Variants in MYBPC1 observed in about 807,000 individuals in gnomAD.
MYBPC1 encodes the protein myosin-binding protein C, slow-type.
Under a neutral mutation model 147.1 loss-of-function variants are expected in MYBPC1, and 52 were observed. That is an observed-to-expected ratio of 0.35 (90% CI 0.28 to 0.45). MYBPC1 has a LOEUF of 0.45. MYBPC1 is among the 20% of genes least tolerant of loss of function. The pLI, the probability that MYBPC1 is intolerant of heterozygous loss-of-function variation, is 1.00. For synonymous variants in MYBPC1, 477 were observed against 475.9 expected (o/e 1.00, Z -0.03); for missense variants, 1,228 against 1,440.3 (o/e 0.85, Z 2.39).
chr12:101,669,314 G>A (rs895683874), intron 23 of MYBPC1, among the ~76,000 whole-genome samples: 1 of 152,192 alleles, frequency 6.6e-6, no homozygotes, highest in South Asian at 2.1e-4. Context: ...GGGGAAATAA[G>A]TAAGAAGAAC....
intron 3 of MYBPC1, among the ~76,000 whole-genome samples, chr12:101,620,630 G>A (rs777152875): frequency 6.6e-6 from 1 of 152,154 alleles, no homozygotes; most frequent in Non-Finnish European, 1.5e-5. Context: ...TCTGAACATA[G>A]GGTAATTGGA....
At chr12:101,608,544 C>T (rs1883106327) in intron 1 of MYBPC1, among the ~76,000 whole-genome samples, 2 of 152,194 alleles carry the variant, frequency 1.3e-5, no homozygotes, top group African/African-American at 4.8e-5. Flanking sequence ...TATCGGTTTG[C>T]TTGTTTATGA....
intron 26 of MYBPC1, among the ~76,000 whole-genome samples, chr12:101,676,776 T>G (rs1900094039): frequency 6.6e-6 from 1 of 152,066 alleles, no homozygotes; most frequent in Non-Finnish European, 1.5e-5. Context: ...ATAATAATGT[T>G]AAATAAATGT....
chr12:101,666,743 G>A (rs1042100379), intron 22 of MYBPC1: 4 of 1,613,252 alleles, frequency 2.5e-6, no homozygotes, highest in African/African-American at 1.3e-5. Flanking sequence ...GATTCTCAAA[G>A]GTACATCAGC....
At chr12:101,597,816 G>C (rs767391949) in intron 1 of MYBPC1, among the ~76,000 whole-genome samples, 1 of 152,002 alleles carries the variant, frequency 6.6e-6, no homozygotes, top group Non-Finnish European at 1.5e-5. Flanking sequence ...ACACCACTTT[G>C]GATTCTTACA....
chr12:101,670,276 G>A (rs769112439), intron 23 of MYBPC1, 45 bp from the exon 24 acceptor site: 1 of 1,522,448 alleles, frequency 6.6e-7, no homozygotes, highest in Non-Finnish European at 9.1e-7. Flanking sequence ...GCTATTTTCA[G>A]ACACCAGACT....
rs1340115205 is a variant in MYBPC1 at position 101,685,909 on chromosome 12, C to A, written c.*347C>A. The A allele has an allele frequency of 9.2e-6, 3 of 324,346 alleles. No homozygotes were observed. Among genetic ancestry groups the A allele is most frequent in the Non-Finnish European group, 1.7e-5 (3 of 180,604 alleles). 20.1% of individuals were successfully genotyped at this position (324,346 alleles called of 1,614,324 possible). A position where few individuals can be genotyped will look rare whatever the true frequency, so the allele number is the denominator to read the frequency against. On this transcript the variant is annotated 3_prime_UTR_variant, in exon 32 of 32. Transcript: ENST00000361466. Reference sequence around the variant, plus strand: ...CTTTGGTCATTATTATCTCTGCTCACTGTATTATACTTTACAAAAATGCAA... The same window carrying A: ...CTTTGGTCATTATTATCTCTGCTCAATGTATTATACTTTACAAAAATGCAA...
At chr12:101,684,494 T>G in intron 31 of MYBPC1, 70 bp downstream of exon 31, 1 of 1,186,718 alleles carries the variant, frequency 8.4e-7, no homozygotes, top group Non-Finnish European at 1.2e-6. Context: ...CTGTGGAGTA[T>G]GGCATGATTT....
Position 101,651,321 on chromosome 12 carries a change from T to C in MYBPC1, c.1454T>C (p.Ile485Thr). The C allele has an allele frequency of 6.2e-7, 1 of 1,614,098 alleles. No homozygotes were observed. The highest frequency in any genetic ancestry group is 1.1e-5 in the South Asian group (1 of 91,078). Residue 485 changes from isoleucine to threonine, a missense_variant, in exon 16 of 32, where the codon ATA (isoleucine) becomes ACA (threonine). This residue lies in a region of MYBPC1 where 1,077 missense variants were observed against 1,314.2 expected (regional missense o/e 0.82). Coordinates refer to ENST00000361466, the MANE Select transcript of MYBPC1 (RefSeq NM_002465.4). Reference sequence around the variant, plus strand: ...CTGAAGTGTGAAATCTCTGAAAACATACCAGGAAAATGGACTAAAAATGGC... The same window carrying C: ...CTGAAGTGTGAAATCTCTGAAAACACACCAGGAAAATGGACTAAAAATGGC... ...ICLKCEISEN[I>T]PGKWTKNGLP...
intron 29 of MYBPC1, among the ~76,000 whole-genome samples, chr12:101,682,133 A>G (rs1225859351): frequency 6.6e-6 from 1 of 152,130 alleles, no homozygotes; most frequent in Non-Finnish European, 1.5e-5. Flanking sequence ...TCTGGTTTCT[A>G]AACTGCTAGC....
At chr12:101,612,512 G>A (rs1464547199) in intron 1 of MYBPC1, among the ~76,000 whole-genome samples, 3 of 152,148 alleles carry the variant, frequency 2.0e-5, no homozygotes, top group African/African-American at 7.2e-5. Flanking sequence ...CATGAACAAC[G>A]GCTTTGAATG....
At chr12:101,665,188 C>T (rs563870028) in intron 22 of MYBPC1, among the ~76,000 whole-genome samples, 6 of 151,774 alleles carry the variant, frequency 4.0e-5, no homozygotes, top group Admixed American at 1.3e-4. Context: ...TATGTATATC[C>T]GTATATACAT....
intron 10 of MYBPC1, chr12:101,636,990 G>A: frequency 5.6e-6 from 1 of 179,176 alleles, no homozygotes; most frequent in East Asian, 1.1e-4. Context: ...TGGGGACGAA[G>A]AGATATGAAA....
intron 30 of MYBPC1, among the ~76,000 whole-genome samples, chr12:101,683,103 C>A (rs1303433125): frequency 6.6e-6 from 1 of 152,038 alleles, no homozygotes; most frequent in Non-Finnish European, 1.5e-5. Flanking sequence ...ATGTTCTGAG[C>A]ATTTTTTATG....
At chr12:101,691,478 T>A in the MYBPC1 span, among the ~76,000 whole-genome samples, 1 of 152,352 alleles carries the variant, frequency 6.6e-6, no homozygotes, top group African/African-American at 2.4e-5. Context: ...AATCTGCCTA[T>A]ATGACATGAT....
At chr12:101,675,542 A>C (rs1899766489) in intron 26 of MYBPC1, 111 bp downstream of exon 26, 1 of 1,489,334 alleles carries the variant, frequency 6.7e-7, no homozygotes, top group Non-Finnish European at 9.3e-7. Flanking sequence ...GCTATGGAGA[A>C]GTGATGTGGC....
chr12:101,604,733 T>TATTTCTG (rs1881474595), intron 1 of MYBPC1, among the ~76,000 whole-genome samples: 1 of 151,930 alleles, frequency 6.6e-6, no homozygotes, highest in Admixed American at 6.6e-5. Flanking sequence ...TTGAATTTCT[T>TATTTCTG]TCCAATTTTT....
downstream of MYBPC1, among the ~76,000 whole-genome samples, chr12:101,688,907 C>A (rs12372130): frequency 0.043 from 6,241 of 145,264 alleles, 223 homozygotes; most frequent in South Asian, 0.064. Context: ...GAGCTGAGAT[C>A]GCACCACTGC....
At chr12:101,665,577 C>A (rs1015904753) in intron 22 of MYBPC1, among the ~76,000 whole-genome samples, 2 of 152,022 alleles carry the variant, frequency 1.3e-5, no homozygotes, top group Admixed American at 1.3e-4. Flanking sequence ...CTTAAAAATT[C>A]TCCTCACATG....
Sources: gnomAD v4.1 joint callset for allele counts (sites outside exome capture counted in the v4.1 genomes callset) on GRCh38, gnomAD v4.1.1 for gene constraint, gnomAD v4.1.1 regional missense constraint, MANE v1.5 for transcripts, NCBI Gene and HGNC (gene_info 2026-07-23, HGNC 2026-07-21) for gene names.